The following SFXN5 variants were observed in gnomAD, a reference collection of about 807,000 sequenced individuals.
SFXN5 encodes the protein sideroflexin-5.
In SFXN5, 43 loss-of-function variants were observed where a neutral mutation model predicts 50.2. That is an observed-to-expected ratio of 0.86 (90% CI 0.67 to 1.11). The LOEUF is 1.11. SFXN5 is among the 50% of genes least tolerant of loss of function. The pLI is 0.00. For missense variants in SFXN5, 463 were observed against 454.1 expected (o/e 1.02, Z -0.18); for synonymous variants, 203 against 185.8 (o/e 1.09, Z -0.75).
At chr2:72,979,066 A>G (rs1206483137) in intron 10 of SFXN5, among the ~76,000 whole-genome samples, 2 of 152,252 alleles carry the variant, frequency 1.3e-5, no homozygotes, top group East Asian at 3.8e-4. Context: ...AAATTTCAAA[A>G]CCACAATGAA....
chr2:73,007,686 C>T (rs959658709), intron 6 of SFXN5, among the ~76,000 whole-genome samples: 4 of 152,086 alleles, frequency 2.6e-5, no homozygotes, highest in Admixed American at 2.0e-4. Context: ...CATCCCCTTC[C>T]GCCACACTGA....
At chr2:72,988,847 C>A (rs1479603185) in intron 9 of SFXN5, among the ~76,000 whole-genome samples, 1 of 152,100 alleles carries the variant, frequency 6.6e-6, no homozygotes, top group Non-Finnish European at 1.5e-5. Flanking sequence ...CGACACCTGC[C>A]CACAGGCTGC....
At position 73,063,942 on chromosome 2, in the gene SFXN5, G is replaced by A. The variant is rs142767513; in HGVS notation, c.103-5346C>T. Reference sequence around the variant, plus strand: ...ATTCAGCTCCCATCTTTACCCAATCGCACAATCGGTGGATGTTTTTCCTCC... The same window carrying A: ...ATTCAGCTCCCATCTTTACCCAATCACACAATCGGTGGATGTTTTTCCTCC... On this transcript the variant is annotated intron_variant, in intron 1 of 13. Coordinates refer to ENST00000272433, the MANE Select transcript of SFXN5 (RefSeq NM_144579.3). Among the ~76,000 whole-genome samples the A allele has an allele frequency of 3.0e-4, 46 of 152,214 alleles. 1 individual carries two copies. Among genetic ancestry groups the A allele is most frequent in the African/African-American group, 1.0e-3 (43 of 41,526 alleles).
At chr2:73,066,113 GTT>G (rs1470029931) in intron 1 of SFXN5, among the ~76,000 whole-genome samples, 3 of 152,126 alleles carry the variant, frequency 2.0e-5, no homozygotes, top group Non-Finnish European at 4.4e-5. Context: ...TAGACTTTAA[GTT>G]TACAGGAGAA....
intron 2 of SFXN5, among the ~76,000 whole-genome samples, chr2:73,054,076 G>A (rs544016053): frequency 2.6e-4 from 40 of 152,292 alleles, no homozygotes; most frequent in Admixed American, 7.2e-4. Flanking sequence ...GAGCCAATGA[G>A]GAGTATGGCC....
intron 13 of SFXN5, among the ~76,000 whole-genome samples, chr2:72,948,161 A>G (rs945285870): frequency 7.2e-5 from 11 of 152,216 alleles, no homozygotes; most frequent in African/African-American, 2.7e-4. Context: ...ATTCAAATGC[A>G]CATATGTCAG....
At chr2:72,965,169 A>T (rs1316416472) in intron 12 of SFXN5, among the ~76,000 whole-genome samples, 1 of 152,218 alleles carries the variant, frequency 6.6e-6, no homozygotes, top group Admixed American at 6.5e-5. Context: ...GCGGCTGGAC[A>T]GCAAGAGGAC....
intron 13 of SFXN5, among the ~76,000 whole-genome samples, chr2:72,951,011 C>T (rs1335431017): frequency 6.6e-6 from 1 of 152,154 alleles, no homozygotes; most frequent in Admixed American, 6.5e-5. Flanking sequence ...CCTCCCCGGG[C>T]ACCCAAGAGC....
intron 11 of SFXN5, among the ~76,000 whole-genome samples, chr2:72,969,807 A>G (rs1361596497): frequency 3.9e-5 from 6 of 151,904 alleles, no homozygotes; most frequent in African/African-American, 1.5e-4. Context: ...CTGTAAGGGA[A>G]GCATGCTTCA....
At chr2:73,046,302 G>A (rs577534251) in intron 2 of SFXN5, among the ~76,000 whole-genome samples, 21 of 151,856 alleles carry the variant, frequency 1.4e-4, no homozygotes, top group Admixed American at 7.9e-4. Flanking sequence ...CCAGCTACTC[G>A]GGAGGCTCAG....
intron 3 of SFXN5, among the ~76,000 whole-genome samples, chr2:73,030,089 A>G (rs1238437908): frequency 1.3e-5 from 2 of 151,954 alleles, no homozygotes; most frequent in Non-Finnish European, 2.9e-5. Flanking sequence ...AACAAAACAA[A>G]CAAAAAAACC....
At chr2:72,948,274 G>A (rs564174303) in intron 13 of SFXN5, among the ~76,000 whole-genome samples, 2 of 152,302 alleles carry the variant, frequency 1.3e-5, no homozygotes, top group Admixed American at 1.3e-4. Context: ...TCACCCTTCA[G>A]ACTGCACTAA....
At position 72,953,242 on chromosome 2, in the gene SFXN5, AAGC is replaced by A. The variant is rs1377334165; in HGVS notation, c.945+7886_945+7888del. Among the ~76,000 whole-genome samples the A allele has an allele frequency of 6.6e-6, 1 of 152,132 alleles. No homozygotes were observed. Among genetic ancestry groups the A allele is most frequent in the African/African-American group, 2.4e-5 (1 of 41,398 alleles). On this transcript the variant is annotated intron_variant, in intron 13 of 13. Coordinates refer to ENST00000272433, the MANE Select transcript of SFXN5 (RefSeq NM_144579.3). This position sits in a 1 kb window ranked among gnomAD's most constrained non-coding sequence, Gnocchi z 4.1. ...GGGGTCCTGTGGGCAAACTCCAAGA[AAGC>A]AGCGGGCGGGGAGGCAGCAGATTTC...
chr2:73,019,915 C>T, intron 6 of SFXN5: 1 of 259,608 alleles, frequency 3.9e-6, no homozygotes. Flanking sequence ...CATGCTTCTA[C>T]TCCTACTTCC....
chr2:72,983,126 C>T (rs542874019), intron 10 of SFXN5, among the ~76,000 whole-genome samples: 18 of 152,246 alleles, frequency 1.2e-4, no homozygotes, highest in South Asian at 4.1e-4. Flanking sequence ...CACTCCTAGA[C>T]GGAGGAAGCA....
intron 10 of SFXN5, among the ~76,000 whole-genome samples, chr2:72,981,887 G>A (rs1479406067): frequency 6.6e-6 from 1 of 152,150 alleles, no homozygotes; most frequent in East Asian, 1.9e-4. Context: ...AATCGTAGAG[G>A]TGATGGAAGG....
chr2:72,983,119 T>C, intron 10 of SFXN5, among the ~76,000 whole-genome samples: 1 of 152,060 alleles, frequency 6.6e-6, no homozygotes, highest in Admixed American at 6.5e-5. Context: ...CCATGGCCAC[T>C]CCTAGACGGA....
intron 6 of SFXN5, among the ~76,000 whole-genome samples, chr2:73,008,455 C>T (rs1364178504): frequency 6.6e-6 from 1 of 152,024 alleles, no homozygotes; most frequent in Non-Finnish European, 1.5e-5. Context: ...TGAGGGAAAC[C>T]CAGGCCCTGG....
chr2:72,948,361 G>A lies in SFXN5; in HGVS notation c.946-3262C>T, dbSNP rs143102571. 8.3e-4 allele frequency among the ~76,000 whole-genome samples: 126 copies of A among 152,346 alleles called. 3 individuals carry two copies. The East Asian group carries it at 0.019, about 23-fold the overall frequency. The stretch of plus-strand genomic sequence containing the variant: ...TGGAAAGAACAGTAATTGCAAAATT[G>A]TATTTCTTTTAAATATAATCAGTAA... On this transcript the variant is annotated intron_variant, in intron 13 of 13. Coordinates refer to ENST00000272433, the MANE Select transcript of SFXN5 (RefSeq NM_144579.3).
Sources: allele counts gnomAD v4.1 joint callset (sites outside exome capture counted in the v4.1 genomes callset), GRCh38; gene constraint gnomAD v4.1.1; non-coding constraint Gnocchi (gnomAD v3.1); transcripts MANE v1.5; gene names NCBI Gene and HGNC (gene_info 2026-07-23, HGNC 2026-07-21).